The following DHX35 variants were observed in gnomAD, a reference collection of about 807,000 sequenced individuals.
DHX35 encodes probable ATP-dependent RNA helicase DHX35.
In DHX35, 84 loss-of-function variants were observed where a neutral mutation model predicts 99.6. The observed-to-expected ratio is 0.84, with a 90% confidence interval of 0.71 to 1.01. DHX35 has a LOEUF of 1.01. Ranked by LOEUF, DHX35 falls within the 50% of genes least tolerant of loss-of-function variation. The pLI is 0.00. For missense variants in DHX35, 852 were observed against 888.5 expected (o/e 0.96, Z 0.52); for synonymous variants, 331 against 316.2 (o/e 1.05, Z -0.50).
intron 1 of DHX35, among the ~76,000 whole-genome samples, chr20:38,967,896 A>G (rs2085933017): frequency 6.6e-6 from 1 of 152,036 alleles, no homozygotes; most frequent in African/African-American, 2.4e-5. Flanking sequence ...AAGCTGGGAG[A>G]AGTCAGTCCC....
intron 5 of DHX35, among the ~76,000 whole-genome samples, chr20:38,989,849 G>A (rs1046141981): frequency 3.9e-5 from 6 of 152,102 alleles, no homozygotes; most frequent in Admixed American, 2.0e-4. Context: ...ACCTACCACC[G>A]TGCTAGAATC....
rs62202589 is a variant in DHX35 at position 39,005,162 on chromosome 20, A to G, written c.1012-984A>G. ...TTTATAAAATAATTTTTATAAAATG[A>G]TTTATAAAATGTAAAGTGCCTGAAA... On this transcript the variant is annotated intron_variant, in intron 11 of 21. Transcript: ENST00000252011. 8.5e-3 allele frequency among the ~76,000 whole-genome samples: 1,297 copies of G among 152,338 alleles called. 20 individuals are homozygous for G. The highest frequency in any genetic ancestry group is 0.03 in the African/African-American group (1,237 of 41,568).
rs143217439 is a variant in DHX35 at position 38,997,834 on chromosome 20, G to A, written c.642+2954G>A. Among the ~76,000 whole-genome samples, 70 of 152,320 alleles carry A rather than the reference G, an allele frequency of 4.6e-4. 1 individual carries two copies. The East Asian group carries it at 0.012, about 27-fold the overall frequency. On this transcript the variant is annotated intron_variant, in intron 8 of 21. Transcript: ENST00000252011. Reference sequence around the variant, plus strand: ...AATGAGGACTATGTGGGAGTGGCAGGGGGGTTGGGTGTGGCTTAGGAAACA... The same window carrying A: ...AATGAGGACTATGTGGGAGTGGCAGAGGGGTTGGGTGTGGCTTAGGAAACA...
intron 1 of DHX35, 92 bp from the exon 2 acceptor site, chr20:38,968,989 C>T: frequency 7.4e-7 from 1 of 1,358,256 alleles, no homozygotes; most frequent in Non-Finnish European, 9.8e-7. Context: ...ATTGCTTCTT[C>T]TGTATATCTT....
intron 11 of DHX35, 87 bp downstream of exon 11, chr20:39,003,994 C>T (rs2086569646): frequency 1.4e-6 from 2 of 1,451,430 alleles, no homozygotes; most frequent in Non-Finnish European, 1.9e-6. Flanking sequence ...TTGCTAAACA[C>T]AAGGCAGACT....
intron 13 of DHX35, among the ~76,000 whole-genome samples, chr20:39,013,103 C>T (rs1053233731): frequency 3.3e-5 from 5 of 151,328 alleles, no homozygotes; most frequent in African/African-American, 9.7e-5. Flanking sequence ...TGAAAATTAT[C>T]GTAAAACTTT....
chr20:39,034,868 T>C (rs1205717303), intron 21 of DHX35, among the ~76,000 whole-genome samples: 1 of 150,804 alleles, frequency 6.6e-6, no homozygotes, highest in Non-Finnish European at 1.5e-5. Context: ...TCCACCCACC[T>C]CAGCCTCCCA....
At chr20:38,970,073 ATCTG>A (rs370046590) in intron 2 of DHX35, among the ~76,000 whole-genome samples, 55 of 152,004 alleles carry the variant, frequency 3.6e-4, no homozygotes, top group East Asian at 7.7e-4. Flanking sequence ...TGTTCTATCT[ATCTG>A]TCTGTCTGTC....
In DHX35 at chr20:39,038,498, G is replaced by A; in HGVS notation, c.2068-1G>A. On this transcript the variant is annotated splice_acceptor_variant, in intron 21 of 21. Transcript: ENST00000252011. LOFTEE classifies it high-confidence loss of function. Reference sequence around the variant, plus strand: ...CTGTAGTGTCTTCTCTTCTGTTGCAGCACCTGTCTCTGAAAGCCAAAAGGG... The same window carrying A: ...CTGTAGTGTCTTCTCTTCTGTTGCAACACCTGTCTCTGAAAGCCAAAAGGG... 3 of 1,613,624 alleles carry A rather than the reference G, an allele frequency of 1.9e-6. No individual in the cohort carries two copies. Among genetic ancestry groups the A allele is most frequent in the Non-Finnish European group, 2.5e-6 (3 of 1,180,022 alleles).
intron 3 of DHX35, among the ~76,000 whole-genome samples, chr20:38,977,173 GT>G (rs2086093030): frequency 6.6e-6 from 1 of 152,112 alleles, no homozygotes; most frequent in Admixed American, 6.6e-5. Flanking sequence ...CCTCCATATT[GT>G]TGTCCATAGT....
At chr20:38,989,830 G>A (rs2086310110) in intron 5 of DHX35, among the ~76,000 whole-genome samples, 1 of 152,054 alleles carries the variant, frequency 6.6e-6, no homozygotes, top group African/African-American at 2.4e-5. Flanking sequence ...ACTCAACAGG[G>A]TGTGTACTAC....
At chr20:38,993,465 T>C (rs1431144564) in intron 7 of DHX35, among the ~76,000 whole-genome samples, 1 of 152,178 alleles carries the variant, frequency 6.6e-6, no homozygotes, top group African/African-American at 2.4e-5. Context: ...GTTCAAGCGA[T>C]TCTTCTGCCT....
intron 3 of DHX35, chr20:38,978,296 A>G: frequency 1.3e-6 from 1 of 763,732 alleles, no homozygotes; most frequent in Non-Finnish European, 2.4e-6. Flanking sequence ...GTTCTTAAAG[A>G]TAACTGGTGC....
intron 18 of DHX35, among the ~76,000 whole-genome samples, chr20:39,027,334 G>T (rs2086973557): frequency 6.6e-6 from 1 of 152,076 alleles, no homozygotes; most frequent in Non-Finnish European, 1.5e-5. Context: ...ATTAGTGAAA[G>T]ATACTTTCAG....
intron 13 of DHX35, among the ~76,000 whole-genome samples, chr20:39,011,489 C>T (rs1378021708): frequency 1.3e-5 from 2 of 152,110 alleles, no homozygotes; most frequent in African/African-American, 2.4e-5. Flanking sequence ...GTGTGTGCCA[C>T]CACGCCTGGC....
chr20:39,006,756 A>G (rs1026359794), intron 12 of DHX35, among the ~76,000 whole-genome samples: 16 of 151,992 alleles, frequency 1.1e-4, no homozygotes, highest in Admixed American at 7.9e-4. Context: ...TTCCCCTTTT[A>G]CTTCTGGTTC....
intron 1 of DHX35, 63 bp from the exon 2 acceptor site, chr20:38,969,018 A>G: frequency 6.7e-7 from 1 of 1,496,954 alleles, no homozygotes. Context: ...AAAGTTTATA[A>G]ACTTAACACC....
intron 12 of DHX35, among the ~76,000 whole-genome samples, chr20:39,007,461 T>C (rs2086638006): frequency 6.6e-6 from 1 of 152,246 alleles, no homozygotes; most frequent in Admixed American, 6.5e-5. Flanking sequence ...CTGTTTTCCC[T>C]GCCCAGCAGA....
At position 39,030,769 on chromosome 20, in the gene DHX35, C is replaced by A. The variant is rs1180943483; in HGVS notation, c.1949C>A (p.Pro650His). 1 of 1,614,174 alleles carries A rather than the reference C, an allele frequency of 6.2e-7. No homozygotes were observed. Among genetic ancestry groups the A allele is most frequent in the Admixed American group, 1.7e-5 (1 of 60,034 alleles). The change falls in exon 20 of 22, where the codon CCT (proline) becomes CAT (histidine). Residue 650 changes from proline (P) to histidine (H), a missense_variant. Pro to His is a moderately conservative substitution (Grantham distance 77). Coordinates refer to ENST00000252011, the MANE Select transcript of DHX35 (RefSeq NM_021931.4). ...PASVLYAEKPPRWVIYNEVIQ... is the reference protein window; with the variant it reads ...PASVLYAEKPHRWVIYNEVIQ... ...TCAGTCCTCTATGCAGAGAAGCCGC[C>A]TCGCTGGTAAGCTCATCCTGCTGCT...
Sources: gnomAD v4.1 joint callset for allele counts (sites outside exome capture counted in the v4.1 genomes callset) on GRCh38, gnomAD v4.1.1 for gene constraint, MANE v1.5 for transcripts, NCBI Gene and HGNC (gene_info 2026-07-23, HGNC 2026-07-21) for gene names.